The following BBOX1 variants were observed in gnomAD, a reference collection of about 807,000 sequenced individuals.
BBOX1 encodes gamma-butyrobetaine dioxygenase.
A neutral mutation model predicts 41.6 loss-of-function variants in BBOX1; 35 were observed. The observed-to-expected ratio is 0.84, with a 90% CI of 0.64 to 1.11. BBOX1 has a LOEUF of 1.11. BBOX1 is among the 50% of genes most tolerant of loss of function. The pLI is 0.00. For missense variants in BBOX1, 458 were observed against 460.6 expected, an observed-to-expected ratio of 0.99 and a Z score of 0.05; for synonymous variants, 163 against 154.7, an observed-to-expected ratio of 1.05 and a Z score of -0.40.
In BBOX1 at chr11:27,115,558, G is replaced by A. The variant is rs1283793351; in HGVS notation, c.639+1G>A. On this transcript the variant is annotated splice_donor_variant, in intron 6 of 8. Transcript: ENST00000263182. LOFTEE classifies it high-confidence loss of function. Reference sequence around the variant, plus strand: ...TCCAGCCCTCCATCATCCACCTGGGGTAAGTGAGCTTCAACATATTTTCCA... The same window carrying A: ...TCCAGCCCTCCATCATCCACCTGGGATAAGTGAGCTTCAACATATTTTCCA... The A allele has an allele frequency of 9.3e-6, 15 of 1,605,208 alleles. No individual in the cohort carries two copies. The highest frequency in any genetic ancestry group is 1.3e-5 in the Non-Finnish European group (15 of 1,174,334).
chr11:27,055,252 C>T (rs764359575), intron 2 of BBOX1, 141 bp from the exon 3 acceptor site: 2 of 566,592 alleles, frequency 3.5e-6, no homozygotes, highest in Non-Finnish European at 6.2e-6. Flanking sequence ...AACAAAGGTC[C>T]CAGCGTCAAT....
intron 5 of BBOX1, among the ~76,000 whole-genome samples, chr11:27,107,436 A>G (rs1026876474): frequency 3.9e-5 from 6 of 152,168 alleles, no homozygotes; most frequent in Non-Finnish European, 5.9e-5. Context: ...TAAAAGCAGG[A>G]TAATTTGCAG....
intron 5 of BBOX1, among the ~76,000 whole-genome samples, chr11:27,112,117 A>G (rs892865324): frequency 1.5e-4 from 23 of 151,940 alleles, no homozygotes; most frequent in Non-Finnish European, 2.7e-4. Context: ...TACTCAATGA[A>G]GTCCAGACTG....
chr11:27,111,135 T>C (rs1235969619), intron 5 of BBOX1, among the ~76,000 whole-genome samples: 2 of 151,932 alleles, frequency 1.3e-5, no homozygotes, highest in Admixed American at 1.3e-4. Context: ...AATCATTTTG[T>C]GGTACATAGA....
chr11:27,076,432 AAC>A (rs1319422064), intron 4 of BBOX1, among the ~76,000 whole-genome samples: 1 of 152,180 alleles, frequency 6.6e-6, no homozygotes, highest in Non-Finnish European at 1.5e-5. Flanking sequence ...TAGCTGAGGT[AAC>A]ACACACATTT....
intron 4 of BBOX1, among the ~76,000 whole-genome samples, chr11:27,091,404 G>C (rs1590204599): frequency 2.0e-5 from 3 of 151,794 alleles, no homozygotes; most frequent in African/African-American, 7.3e-5. Flanking sequence ...TATTGATTGG[G>C]TAGCTCATAT....
At chr11:27,069,054 G>C (rs1180787034) in intron 4 of BBOX1, among the ~76,000 whole-genome samples, 1 of 151,470 alleles carries the variant, frequency 6.6e-6, no homozygotes, top group African/African-American at 2.4e-5. Flanking sequence ...GGCTATTTGG[G>C]CTCTTTTTTA....
chr11:27,070,360 G>A (rs2165772), intron 4 of BBOX1, among the ~76,000 whole-genome samples: 49,056 of 151,766 alleles, frequency 0.32, 8,100 homozygotes, highest in East Asian at 0.45. Context: ...GTGGGGTATC[G>A]AAGTTCCCCA....
At chr11:27,118,312 G>A (rs957323735) in intron 6 of BBOX1, among the ~76,000 whole-genome samples, 1 of 151,984 alleles carries the variant, frequency 6.6e-6, no homozygotes, top group Non-Finnish European at 1.5e-5. Context: ...TAAAATGTAG[G>A]CAACCTGTTT....
At chr11:27,065,305 A>C (rs148304402) in intron 4 of BBOX1, among the ~76,000 whole-genome samples, 2 of 152,294 alleles carry the variant, frequency 1.3e-5, no homozygotes, top group East Asian at 3.9e-4. Flanking sequence ...AATGCATGTC[A>C]ATTTATGAAT....
intron 4 of BBOX1, among the ~76,000 whole-genome samples, chr11:27,070,482 G>T (rs1192140208): frequency 6.6e-6 from 1 of 152,050 alleles, no homozygotes; most frequent in Non-Finnish European, 1.5e-5. Flanking sequence ...ATATCTTCTT[G>T]TTGGATTGAT....
At chr11:27,054,042 CT>C (rs2133957538) in intron 2 of BBOX1, among the ~76,000 whole-genome samples, 2 of 152,228 alleles carry the variant, frequency 1.3e-5, no homozygotes, top group East Asian at 3.9e-4. Flanking sequence ...AAGTATTTTA[CT>C]TTCATGTTGT....
chr11:27,043,259 T>G (rs867535972), intron 2 of BBOX1, among the ~76,000 whole-genome samples: 19 of 152,144 alleles, frequency 1.2e-4, no homozygotes, highest in Middle Eastern at 6.8e-3. Context: ...GAGACGGGGT[T>G]TCACCGTGTT....
chr11:27,098,913 T>C (rs1175608705), intron 5 of BBOX1, among the ~76,000 whole-genome samples: 1 of 151,980 alleles, frequency 6.6e-6, no homozygotes, highest in Non-Finnish European at 1.5e-5. Context: ...GCTTATATCA[T>C]TGCCATTGCC....
chr11:27,116,573 A>G (rs1859271730), intron 6 of BBOX1, among the ~76,000 whole-genome samples: 1 of 151,896 alleles, frequency 6.6e-6, no homozygotes, highest in Non-Finnish European at 1.5e-5. Flanking sequence ...TCAGCTAGGC[A>G]GCTCCTGTCT....
intron 4 of BBOX1, among the ~76,000 whole-genome samples, chr11:27,075,722 C>G (rs1012884799): frequency 6.6e-6 from 1 of 152,204 alleles, no homozygotes; most frequent in African/African-American, 2.4e-5. Context: ...AATTGTGACT[C>G]TACCCCTCAG....
chr11:27,054,818 C>A (rs1856929889), intron 2 of BBOX1, among the ~76,000 whole-genome samples: 1 of 152,076 alleles, frequency 6.6e-6, no homozygotes, highest in African/African-American at 2.4e-5. Flanking sequence ...GGTAAAAAAG[C>A]AAATGATAGA....
Position 27,127,548 on chromosome 11 carries a change from T to A in BBOX1, c.*95T>A. 2 of 1,366,030 alleles carry A rather than the reference T, an allele frequency of 1.5e-6. No individual in the cohort carries two copies. The highest frequency in any genetic ancestry group is 2.9e-5 in the African/African-American group (2 of 68,404). The allele number at this position is 1,366,030 out of a possible 1,614,324, so 84.6% of individuals were successfully genotyped here. ...GACCATGATCTTTGTGATTTACATA[T>A]AATTTCCTTAACAATGAACATGTAA... On this transcript the variant is annotated 3_prime_UTR_variant, in exon 9 of 9. Coordinates refer to ENST00000263182, the MANE Select transcript of BBOX1 (RefSeq NM_003986.3).
rs1373470612 is a variant in BBOX1, at chr11:27,114,618, C to T, written c.534-834C>T. 3.3e-5 allele frequency among the ~76,000 whole-genome samples: 5 copies of T among 151,778 alleles called. No homozygotes were observed. The East Asian group carries it at 9.7e-4, about 29-fold the overall frequency. On this transcript the variant is annotated intron_variant, in intron 5 of 8. Transcript: ENST00000263182. ...CACACATCTATGGCCAATCAATTAT[C>T]AACAAGCATGCCAATATCATTCAAT...
Sources: allele counts gnomAD v4.1 joint callset (sites outside exome capture counted in the v4.1 genomes callset), GRCh38; gene constraint gnomAD v4.1.1; transcripts MANE v1.5; gene names NCBI Gene and HGNC (gene_info 2026-07-23, HGNC 2026-07-21).